The following IKZF1 variants were observed in gnomAD, a reference collection of about 807,000 sequenced individuals.
IKZF1 encodes the protein IKAROS family zinc finger 1.
IKZF1 carries 10 observed loss-of-function variants against 51.7 expected under a neutral mutation model. The ratio of observed to expected loss-of-function variants is 0.19; its 90% confidence interval spans 0.12 to 0.33. The LOEUF (loss-of-function observed/expected upper bound fraction) is 0.33, where lower values mean the gene tolerates loss of function less well. IKZF1 is among the 10% of genes least tolerant of loss of function. The pLI, the probability that IKZF1 is intolerant of heterozygous loss-of-function variation, is 1.00. For synonymous variants in IKZF1, 280 were observed against 282.3 expected (o/e 0.99, Z 0.08); for missense variants, 484 against 707.5 (o/e 0.68, Z 3.58).
intron 3 of IKZF1, among the ~76,000 whole-genome samples, chr7:50,358,235 GTGT>G (rs1804088910): frequency 6.6e-6 from 1 of 152,248 alleles, no homozygotes; most frequent in African/African-American, 2.4e-5. Flanking sequence ...CTTCGAAGAA[GTGT>G]TGTTGATGTG....
At chr7:50,345,163 G>T (rs939777585) in intron 3 of IKZF1, among the ~76,000 whole-genome samples, 14 of 151,980 alleles carry the variant, frequency 9.2e-5, no homozygotes, top group African/African-American at 3.1e-4. Flanking sequence ...TGAATTGACG[G>T]CATCCAGGGA....
chr7:50,331,870 T>C, intron 3 of IKZF1, among the ~76,000 whole-genome samples: 1 of 152,338 alleles, frequency 6.6e-6, no homozygotes, highest in Admixed American at 6.5e-5. Context: ...AAGTGTTGCT[T>C]GAAGAATTTA....
intron 3 of IKZF1, among the ~76,000 whole-genome samples, chr7:50,372,403 A>G (rs1808974943): frequency 6.6e-6 from 1 of 152,200 alleles, no homozygotes; most frequent in Non-Finnish European, 1.5e-5. Context: ...CTTAGACTTC[A>G]CCAACCTTTC....
Position 50,337,346 on chromosome 7 carries a change from G to A in IKZF1, c.160+9589G>A, listed in dbSNP as rs912515989. The stretch of plus-strand genomic sequence containing the variant: ...ACTAGCAGCCCCAGGGTAGGCCGGC[G>A]TGAGTCACCTATGAGCTGGGCCTGG... On this transcript the variant is annotated intron_variant, in intron 3 of 7. Coordinates refer to ENST00000331340, the MANE Select transcript of IKZF1 (RefSeq NM_006060.6). Among the ~76,000 whole-genome samples the A allele has an allele frequency of 1.4e-3, 213 of 152,282 alleles. 1 individual carries two copies. The highest frequency in any genetic ancestry group is 4.8e-3 in the African/African-American group (198 of 41,528).
At chr7:50,330,359 A>T (rs1034659477) in intron 3 of IKZF1, among the ~76,000 whole-genome samples, 9 of 152,186 alleles carry the variant, frequency 5.9e-5, no homozygotes, top group African/African-American at 2.2e-4. Flanking sequence ...CACTGAGATG[A>T]TTTGGGAGAT....
chr7:50,374,272 T>A (rs531899493), intron 3 of IKZF1, among the ~76,000 whole-genome samples: 46 of 152,298 alleles, frequency 3.0e-4, no homozygotes, highest in African/African-American at 1.1e-3. Context: ...ATGGAACCTG[T>A]GGATATAGAA....
chr7:50,320,037 C>T lies in IKZF1; in HGVS notation c.40+936C>T, dbSNP rs550509507. The stretch of plus-strand genomic sequence containing the variant: ...GAACTGGAGATAGATCTGCCAATCA[C>T]AGGCTTCCTTCTCCACCACTCCTCA... On this transcript the variant is annotated intron_variant, in intron 2 of 7. Coordinates refer to ENST00000331340, the MANE Select transcript of IKZF1 (RefSeq NM_006060.6). Among the ~76,000 whole-genome samples, 9 of 152,278 alleles carry T rather than the reference C, an allele frequency of 5.9e-5. No individual in the cohort carries two copies. The South Asian group carries it at 1.7e-3, about 28-fold the overall frequency.
chr7:50,331,260 A>T (rs1387019186), intron 3 of IKZF1, among the ~76,000 whole-genome samples: 2 of 151,852 alleles, frequency 1.3e-5, no homozygotes, highest in Non-Finnish European at 2.9e-5. Flanking sequence ...TTCTTACTTT[A>T]AAAAAAATGG....
chr7:50,321,019 G>A (rs1193136879), intron 2 of IKZF1, among the ~76,000 whole-genome samples: 1 of 152,168 alleles, frequency 6.6e-6, no homozygotes, highest in African/African-American at 2.4e-5. Flanking sequence ...GTTCTGGATG[G>A]TATGCAAAGT....
intron 5 of IKZF1, among the ~76,000 whole-genome samples, chr7:50,386,270 C>T (rs79888495): frequency 1.4e-3 from 217 of 152,318 alleles, no homozygotes; most frequent in South Asian, 3.7e-3. Flanking sequence ...AGGACTAAAA[C>T]TCATTATATA....
chr7:50,316,939 A>G (rs1424089280), intron 1 of IKZF1, among the ~76,000 whole-genome samples: 1 of 152,240 alleles, frequency 6.6e-6, no homozygotes, highest in Admixed American at 6.5e-5. Context: ...TGTAGCCAGT[A>G]AAATGATGAT....
In IKZF1 at chr7:50,327,670, G is replaced by A; in HGVS notation, c.73G>A (p.Asp25Asn). 1 of 1,613,452 alleles carries A rather than the reference G, an allele frequency of 6.2e-7. No individual in the cohort carries two copies. Among genetic ancestry groups the A allele is most frequent in the East Asian group, 2.2e-5 (1 of 44,872 alleles). ...AAGCCCCCCTGTAAGCGATACTCCA[G>A]ATGAGGGCGATGAGCCCATGCCGAT... ...KESPPVSDTPDEGDEPMPIPE... is the reference protein window; with the variant it reads ...KESPPVSDTPNEGDEPMPIPE... Residue 25 changes from aspartate to asparagine, a missense_variant, in exon 3 of 8, where the codon GAT (aspartate) becomes AAT (asparagine). This residue lies in a region of IKZF1 where 118 missense variants were observed against 138.4 expected (regional missense o/e 0.85). Coordinates refer to ENST00000331340, the MANE Select transcript of IKZF1 (RefSeq NM_006060.6).
intron 2 of IKZF1, among the ~76,000 whole-genome samples, chr7:50,319,814 G>A (rs145986607): frequency 6.6e-6 from 1 of 152,330 alleles, no homozygotes; most frequent in African/African-American, 2.4e-5. Flanking sequence ...CAGACTCACA[G>A]CCAGCCCCAG....
At position 50,404,979 on chromosome 7, in the gene IKZF1, T is replaced by C. The variant is rs1389902840; in HGVS notation, c.*4352T>C. 4.9e-6 allele frequency: 1 copy of C among 205,584 alleles called. No individual in the cohort carries two copies. Among genetic ancestry groups the C allele is most frequent in the African/African-American group, 2.3e-5 (1 of 43,698 alleles). The allele number at this position is 205,584 out of a possible 1,614,324, so 12.7% of individuals were successfully genotyped here. A position where few individuals can be genotyped will look rare whatever the true frequency, so the allele number is the denominator to read the frequency against. On this transcript the variant is annotated 3_prime_UTR_variant, in exon 8 of 8. Transcript: ENST00000331340. ...GGATGTTAGTATAGAATTTTGAAAT[T>C]GGGAATTAAAAATCAGGACTGGGGA...
At chr7:50,325,401 C>T (rs532281726) in intron 2 of IKZF1, among the ~76,000 whole-genome samples, 53 of 152,094 alleles carry the variant, frequency 3.5e-4, no homozygotes, top group African/African-American at 1.1e-3. Context: ...ATACCTCCTG[C>T]GTTCTCCTAT....
chr7:50,345,070 A>G (rs980766285), intron 3 of IKZF1, among the ~76,000 whole-genome samples: 1 of 152,062 alleles, frequency 6.6e-6, no homozygotes, highest in African/African-American at 2.4e-5. Context: ...GCTTTGCTAT[A>G]TAATTAAAAT....
intron 3 of IKZF1, among the ~76,000 whole-genome samples, chr7:50,333,951 C>T (rs1796982856): frequency 6.6e-6 from 1 of 152,126 alleles, no homozygotes; most frequent in South Asian, 2.1e-4. Flanking sequence ...TTTCAAATTT[C>T]CCAAACATGA....
At chr7:50,350,093 C>T (rs1801453854) in intron 3 of IKZF1, among the ~76,000 whole-genome samples, 1 of 152,056 alleles carries the variant, frequency 6.6e-6, no homozygotes, top group South Asian at 2.1e-4. Context: ...GGGGCAGCCC[C>T]GGGGTGGGCC....
chr7:50,339,690 G>A (rs1391950779), intron 3 of IKZF1, among the ~76,000 whole-genome samples: 7 of 151,546 alleles, frequency 4.6e-5, no homozygotes, highest in Admixed American at 4.6e-4. Flanking sequence ...GGAGGCGGGG[G>A]TTGCAGTGAG....
Sources: allele counts gnomAD v4.1 joint callset (sites outside exome capture counted in the v4.1 genomes callset), GRCh38; gene constraint gnomAD v4.1.1; regional missense constraint gnomAD v4.1.1; transcripts MANE v1.5; gene names NCBI Gene and HGNC (gene_info 2026-07-23, HGNC 2026-07-21).